PIBF1: variants seen among roughly 807,000 people sequenced by gnomAD.
PIBF1 encodes progesterone-induced-blocking factor 1.
PIBF1 carries 90 observed loss-of-function variants against 112.5 expected under a neutral mutation model. That is an observed-to-expected ratio of 0.80 (90% CI 0.67 to 0.95). The LOEUF (loss-of-function observed/expected upper bound fraction) is 0.95. PIBF1 is among the 40% of genes least tolerant of loss of function. The pLI is 0.00. For synonymous variants in PIBF1, 301 were observed against 288.6 expected (o/e 1.04, Z -0.44); for missense variants, 915 against 852.3 (o/e 1.07, Z -0.92).
intron 16 of PIBF1, among the ~76,000 whole-genome samples, chr13:72,989,141 C>A (rs1366296769): frequency 1.3e-5 from 2 of 152,168 alleles, no homozygotes; most frequent in Non-Finnish European, 2.9e-5. Context: ...ACAAAACAAT[C>A]CTGGTAGTTC....
chr13:72,982,505 A>C (rs2043180398), intron 16 of PIBF1, among the ~76,000 whole-genome samples: 2 of 152,190 alleles, frequency 1.3e-5, no homozygotes, highest in South Asian at 4.1e-4. Flanking sequence ...TCAACAAAGA[A>C]AAACATACCC....
chr13:72,864,205 C>G (rs1362362105), intron 10 of PIBF1, among the ~76,000 whole-genome samples: 1 of 152,156 alleles, frequency 6.6e-6, no homozygotes, highest in Non-Finnish European at 1.5e-5. Flanking sequence ...GCTTAAAAAT[C>G]AGGTTCATTC....
chr13:72,854,205 G>T (rs1224961748), intron 10 of PIBF1, 50 bp downstream of exon 10: 3 of 1,159,538 alleles, frequency 2.6e-6, no homozygotes, highest in African/African-American at 3.0e-5. Context: ...TATTGTTTCT[G>T]TTACATATTC....
rs192099674 is a variant in PIBF1, at chr13:72,974,946, C to T, written c.2049+1271C>T. Among the ~76,000 whole-genome samples, 48 of 152,222 alleles carry T rather than the reference C, an allele frequency of 3.2e-4. No individual in the cohort carries two copies. In the East Asian group the frequency reaches 8.3e-3, roughly 26 times the overall value. ...AATGAGAGTTCCAGTTTCTCTGCAT[C>T]GTCACCAACCATTGGTATTTTTAAC... On this transcript the variant is annotated intron_variant, in intron 16 of 17. Coordinates refer to ENST00000326291, the MANE Select transcript of PIBF1 (RefSeq NM_006346.4).
chr13:72,804,663 G>A (rs2035635301), intron 5 of PIBF1, among the ~76,000 whole-genome samples: 1 of 152,166 alleles, frequency 6.6e-6, no homozygotes, highest in South Asian at 2.1e-4. Context: ...TGGGTTGGGA[G>A]AAGGTCAGGG....
At chr13:73,013,300 CAAAAAAAAA>C (rs869055620) in intron 17 of PIBF1, among the ~76,000 whole-genome samples, 6 of 14,672 alleles carry the variant, frequency 4.1e-4, no homozygotes, top group Admixed American at 3.2e-3. Context: ...GACTCTGTCT[CAAAAAAAAA>C]AAAAAAAAAA....
intron 5 of PIBF1, among the ~76,000 whole-genome samples, chr13:72,810,035 G>A (rs2035936045): frequency 6.6e-6 from 1 of 152,100 alleles, no homozygotes; most frequent in Admixed American, 6.5e-5. Context: ...CTGGAAAATA[G>A]GGCTCATCTT....
intron 10 of PIBF1, among the ~76,000 whole-genome samples, chr13:72,857,808 C>T (rs905617160): frequency 6.6e-6 from 1 of 152,112 alleles, no homozygotes. Context: ...CCATTGCACT[C>T]CAGCCTGGGC....
chr13:72,876,548 C>T (rs957348565), intron 10 of PIBF1, among the ~76,000 whole-genome samples: 8 of 152,182 alleles, frequency 5.3e-5, no homozygotes, highest in South Asian at 2.1e-4. Flanking sequence ...CACAATATTG[C>T]GTCTTCTTAC....
intron 8 of PIBF1, among the ~76,000 whole-genome samples, chr13:72,829,810 G>T (rs983195225): frequency 6.6e-6 from 1 of 152,098 alleles, no homozygotes. Flanking sequence ...TTCCAATTCC[G>T]TGAAGAAGGT....
Position 72,899,697 on chromosome 13 carries a change from G to A in PIBF1, c.1488+5748G>A, listed in dbSNP as rs528857687. On this transcript the variant is annotated intron_variant, in intron 11 of 17. Transcript: ENST00000326291. Reference sequence around the variant, plus strand: ...GCATCCCTGCTGAGAACTGAAACAAGGCAAGGATGCCCATTCTCACCACTC... The same window carrying A: ...GCATCCCTGCTGAGAACTGAAACAAAGCAAGGATGCCCATTCTCACCACTC... Among the ~76,000 whole-genome samples the A allele has an allele frequency of 2.6e-5, 4 of 152,220 alleles. 1 individual carries two copies. Among genetic ancestry groups the A allele is most frequent in the South Asian group, 2.1e-4 (1 of 4,816 alleles).
intron 17 of PIBF1, among the ~76,000 whole-genome samples, chr13:73,009,632 T>C (rs1380984486): frequency 6.6e-6 from 1 of 152,196 alleles, no homozygotes; most frequent in Non-Finnish European, 1.5e-5. Flanking sequence ...GGTTAGAACA[T>C]GACAGTGATG....
chr13:72,939,887 C>T (rs1484569258), intron 14 of PIBF1, among the ~76,000 whole-genome samples: 1 of 152,046 alleles, frequency 6.6e-6, no homozygotes, highest in South Asian at 2.1e-4. Context: ...TAGTTTGCAT[C>T]GTTTCTGCCA....
chr13:72,859,665 G>A (rs2038604935), intron 10 of PIBF1, among the ~76,000 whole-genome samples: 1 of 152,068 alleles, frequency 6.6e-6, no homozygotes, highest in Admixed American at 6.6e-5. Context: ...CATGCAGTTG[G>A]GTCCAGAAAA....
Position 72,952,099 on chromosome 13 carries a change from A to G in PIBF1, c.1834-13175A>G, listed in dbSNP as rs1007849307. 6.9e-5 allele frequency among the ~76,000 whole-genome samples: 10 copies of G among 145,056 alleles called. No individual in the cohort carries two copies. In the South Asian group the frequency reaches 8.7e-4, roughly 13 times the overall value. ...GCCTCGTCTGGAGTGCGGTGACACA[A>G]TCGCGGCTCACTGCAACCTCTGTCT... On this transcript the variant is annotated intron_variant, in intron 14 of 17. Coordinates refer to ENST00000326291, the MANE Select transcript of PIBF1 (RefSeq NM_006346.4).
chr13:72,936,938 G>A (rs1057171865), intron 14 of PIBF1, among the ~76,000 whole-genome samples: 5 of 151,810 alleles, frequency 3.3e-5, no homozygotes, highest in Admixed American at 1.3e-4. Flanking sequence ...CCTTATTTAC[G>A]TCTTCTTTAA....
intron 9 of PIBF1, among the ~76,000 whole-genome samples, chr13:72,841,276 A>C (rs1013464125): frequency 1.9e-4 from 29 of 152,222 alleles, no homozygotes; most frequent in African/African-American, 6.8e-4. Context: ...TATTATATAA[A>C]TAACTTCTTG....
intron 14 of PIBF1, among the ~76,000 whole-genome samples, chr13:72,942,633 G>A (rs1173368420): frequency 1.3e-5 from 2 of 152,128 alleles, no homozygotes; most frequent in African/African-American, 4.8e-5. Context: ...TATTTTCATA[G>A]AAGAGATTAA....
intron 17 of PIBF1, among the ~76,000 whole-genome samples, chr13:73,009,896 T>C (rs2044143078): frequency 6.6e-6 from 1 of 152,224 alleles, no homozygotes; most frequent in African/African-American, 2.4e-5. Context: ...CAGAAAGAAC[T>C]GTCTGCCATT....
Sources: allele counts gnomAD v4.1 joint callset (sites outside exome capture counted in the v4.1 genomes callset), GRCh38; gene constraint gnomAD v4.1.1; transcripts MANE v1.5; gene names NCBI Gene and HGNC (gene_info 2026-07-23, HGNC 2026-07-21).